TMEM196: variants seen among roughly 807,000 people sequenced by gnomAD.
The protein encoded by TMEM196 is transmembrane protein 196.
A neutral mutation model predicts 20.0 loss-of-function variants in TMEM196; 17 were observed. That is an observed-to-expected ratio of 0.85 (90% CI 0.58 to 1.27). The LOEUF (loss-of-function observed/expected upper bound fraction) is 1.27, where lower values mean the gene tolerates loss of function less well. TMEM196 is among the 50% of genes most tolerant of loss of function. The pLI is 0.00. For missense variants in TMEM196, 267 were observed against 223.0 expected, an observed-to-expected ratio of 1.20 and a Z score of -1.26; for synonymous variants, 113 against 88.9, an observed-to-expected ratio of 1.27 and a Z score of -1.52.
At chr7:19,752,636 A>G (rs182983066) in intron 1 of TMEM196, among the ~76,000 whole-genome samples, 11 of 149,132 alleles carry the variant, frequency 7.4e-5, no homozygotes, top group Non-Finnish European at 3.0e-5. Context: ...TTTTTTTGAG[A>G]TGGAATCTCG....
chr7:19,729,109 C>G (rs578207974), intron 2 of TMEM196, among the ~76,000 whole-genome samples: 1 of 152,270 alleles, frequency 6.6e-6, no homozygotes, highest in East Asian at 1.9e-4. Flanking sequence ...AAACTAGAGA[C>G]TGTCATCCGT....
At chr7:19,750,809 A>G (rs1486462358) in intron 1 of TMEM196, among the ~76,000 whole-genome samples, 1 of 152,208 alleles carries the variant, frequency 6.6e-6, no homozygotes, top group East Asian at 1.9e-4. Flanking sequence ...ATACCTTCAG[A>G]ATATCTGAAA....
intron 1 of TMEM196, among the ~76,000 whole-genome samples, chr7:19,742,080 C>T (rs369769302): frequency 3.3e-5 from 5 of 152,132 alleles, no homozygotes; most frequent in Admixed American, 1.3e-4. Context: ...TGCATCTGGA[C>T]GAAATCCAGA....
chr7:19,763,036 A>T (rs977614646), intron 1 of TMEM196, among the ~76,000 whole-genome samples: 3 of 152,208 alleles, frequency 2.0e-5, no homozygotes, highest in East Asian at 3.8e-4. Context: ...ACTTTTTCCT[A>T]GGAATTGCTT....
At chr7:19,744,203 G>T (rs552436832) in intron 1 of TMEM196, among the ~76,000 whole-genome samples, 2 of 152,254 alleles carry the variant, frequency 1.3e-5, no homozygotes, top group African/African-American at 4.8e-5. Context: ...GCTTTCTCTG[G>T]ATAAACAGGA....
At chr7:19,746,126 T>G (rs1039286245) in intron 1 of TMEM196, among the ~76,000 whole-genome samples, 5 of 152,166 alleles carry the variant, frequency 3.3e-5, no homozygotes, top group Non-Finnish European at 4.4e-5. Context: ...CTATTATTTC[T>G]GAATCTAAAT....
At chr7:19,771,278 C>T (rs751696851) in intron 1 of TMEM196, among the ~76,000 whole-genome samples, 32 of 152,024 alleles carry the variant, frequency 2.1e-4, no homozygotes, top group Non-Finnish European at 4.3e-4. Flanking sequence ...CTGATAGTAA[C>T]TTATTATTGA....
chr7:19,749,139 A>G (rs925920307), intron 1 of TMEM196, among the ~76,000 whole-genome samples: 3 of 152,160 alleles, frequency 2.0e-5, no homozygotes, highest in Non-Finnish European at 2.9e-5. Flanking sequence ...ATTTCCAGAA[A>G]TTTGTCCTGA....
At chr7:19,752,490 C>T (rs151232642) in intron 1 of TMEM196, among the ~76,000 whole-genome samples, 15 of 152,228 alleles carry the variant, frequency 9.9e-5, no homozygotes, top group African/African-American at 3.6e-4. Flanking sequence ...TTGAGCGAGT[C>T]CCTCTGCCTT....
chr7:19,752,718 G>A (rs748905726), intron 1 of TMEM196, among the ~76,000 whole-genome samples: 1 of 151,806 alleles, frequency 6.6e-6, no homozygotes, highest in Non-Finnish European at 1.5e-5. Flanking sequence ...AGATTCAAGC[G>A]ATTCTCCTGC....
In TMEM196 at chr7:19,720,392, T is replaced by C. The variant is rs1783774683; in HGVS notation, c.*1736A>G. The C allele has an allele frequency of 6.6e-6, 1 of 152,022 alleles. No homozygotes were observed. The highest frequency in any genetic ancestry group is 2.4e-5 in the African/African-American group (1 of 41,442). 9.4% of individuals were successfully genotyped at this position (152,022 alleles called of 1,614,324 possible). On this transcript the variant is annotated 3_prime_UTR_variant, in exon 5 of 5. Coordinates refer to ENST00000405844, the MANE Select transcript of TMEM196 (RefSeq NM_001363562.2). The stretch of plus-strand genomic sequence containing the variant: ...TCATTAACTTGAATGATCATTACTG[T>C]GTTAGCACAATTAAAACTCATGTTT...
intron 1 of TMEM196, among the ~76,000 whole-genome samples, chr7:19,754,195 A>G (rs116607707): frequency 0.011 from 1,681 of 152,288 alleles, 32 homozygotes; most frequent in African/African-American, 0.038. Context: ...ATAACAGTGT[A>G]CACTTCATAG....
chr7:19,736,240 A>G (rs1341437913), intron 1 of TMEM196, among the ~76,000 whole-genome samples: 4 of 151,078 alleles, frequency 2.6e-5, no homozygotes, highest in Non-Finnish European at 5.9e-5. Context: ...TTTTCTTGAT[A>G]TTGTGCTGAT....
intron 1 of TMEM196, among the ~76,000 whole-genome samples, chr7:19,770,305 A>G (rs1785818691): frequency 6.6e-6 from 1 of 152,108 alleles, no homozygotes; most frequent in Admixed American, 6.6e-5. Context: ...GCTCTGACTC[A>G]TCTTTATAGT....
chr7:19,769,509 A>G (rs1049826557), intron 1 of TMEM196, among the ~76,000 whole-genome samples: 8 of 151,956 alleles, frequency 5.3e-5, no homozygotes, highest in African/African-American at 1.9e-4. Context: ...TTTTGCCTTC[A>G]TCTATGCTGA....
At chr7:19,735,833 C>G (rs1315368626) in intron 1 of TMEM196, among the ~76,000 whole-genome samples, 1 of 152,074 alleles carries the variant, frequency 6.6e-6, no homozygotes, top group Non-Finnish European at 1.5e-5. Flanking sequence ...CTGAAATTCT[C>G]TAGTTATTAG....
In TMEM196 at chr7:19,724,350, A is replaced by C; in HGVS notation, c.463T>G (p.Leu155Val). The change falls in exon 4 of 5, where the codon TTG (leucine) becomes GTG (valine). Residue 155 changes from leucine (L) to valine (V), a missense_variant. By Grantham distance (32) the Leu-to-Val change is conservative. Transcript: ENST00000405844. ...HHSHEMAEKR[L>V]RAIEITDLPS... ...AAGTCGGTTATTTCAATAGCCCTCA[A>C]TCTCTAATGTAAATATAACAATCAT... The C allele has an allele frequency of 1.3e-6, 2 of 1,550,260 alleles. No individual in the cohort carries two copies. The highest frequency in any genetic ancestry group is 2.4e-5 in the South Asian group (2 of 84,054).
intron 1 of TMEM196, among the ~76,000 whole-genome samples, chr7:19,739,264 G>A (rs762272793): frequency 6.6e-6 from 1 of 152,106 alleles, no homozygotes; most frequent in Non-Finnish European, 1.5e-5. Context: ...TAGAAAGGTA[G>A]CAAGGCACAA....
chr7:19,749,673 G>A (rs1234434790), intron 1 of TMEM196, among the ~76,000 whole-genome samples: 1 of 152,162 alleles, frequency 6.6e-6, no homozygotes, highest in South Asian at 2.1e-4. Flanking sequence ...AAGGCCTTTT[G>A]TAAGTTAGCC....
Sources: allele counts gnomAD v4.1 joint callset (sites outside exome capture counted in the v4.1 genomes callset), GRCh38; gene constraint gnomAD v4.1.1; transcripts MANE v1.5; gene names NCBI Gene and HGNC (gene_info 2026-07-23, HGNC 2026-07-21).